Variants in MSRA observed in about 807,000 individuals in gnomAD.
MSRA encodes the protein methionine sulfoxide reductase A.
A neutral mutation model predicts 31.3 loss-of-function variants in MSRA; 54 were observed. That is an observed-to-expected ratio of 1.73 (90% CI 1.39 to 2.17). MSRA has a LOEUF of 2.17. MSRA is among the 30% of genes most tolerant of loss of function. The pLI is 0.00. For missense variants in MSRA, 507 were observed against 300.9 expected (o/e 1.69, Z -5.07); for synonymous variants, 169 against 116.5 (o/e 1.45, Z -2.90).
chr8:10,286,331 C>T (rs773298027), intron 3 of MSRA, among the ~76,000 whole-genome samples: 1 of 152,142 alleles, frequency 6.6e-6, no homozygotes, highest in Non-Finnish European at 1.5e-5. Context: ...GCAGGTCTTT[C>T]TGGTGCTGTT....
chr8:10,162,721 A>G (rs908494449), intron 1 of MSRA, among the ~76,000 whole-genome samples: 1 of 152,180 alleles, frequency 6.6e-6, no homozygotes, highest in African/African-American at 2.4e-5. Context: ...GTGCCTTACT[A>G]TACCATCTCA....
intron 3 of MSRA, among the ~76,000 whole-genome samples, chr8:10,296,934 G>A (rs1286941331): frequency 2.6e-5 from 4 of 152,178 alleles, no homozygotes; most frequent in Non-Finnish European, 4.4e-5. Flanking sequence ...TATGTACTGC[G>A]TGGGCCAGTT....
At chr8:10,240,568 GTC>G (rs1812321945) in intron 2 of MSRA, among the ~76,000 whole-genome samples, 1 of 152,124 alleles carries the variant, frequency 6.6e-6, no homozygotes, top group African/African-American at 2.4e-5. Flanking sequence ...GTCCACCTAT[GTC>G]TCTCTACCCC....
chr8:10,122,755 T>A (rs970171893), intron 1 of MSRA, among the ~76,000 whole-genome samples: 1 of 152,172 alleles, frequency 6.6e-6, no homozygotes, highest in South Asian at 2.1e-4. Flanking sequence ...TCACATCATT[T>A]AGCTCCCACT....
At chr8:10,334,894 G>A (rs1409433934) in intron 5 of MSRA, among the ~76,000 whole-genome samples, 1 of 152,190 alleles carries the variant, frequency 6.6e-6, no homozygotes, top group Admixed American at 6.5e-5. Flanking sequence ...CCGCTGCCTC[G>A]GCCCACGTGA....
intron 5 of MSRA, among the ~76,000 whole-genome samples, chr8:10,325,725 T>C (rs1476650956): frequency 1.3e-5 from 2 of 152,254 alleles, no homozygotes; most frequent in Admixed American, 6.5e-5. Flanking sequence ...TAAAAAGTTA[T>C]GTGGTTTCTA....
At position 10,284,029 on chromosome 8, in the gene MSRA, G is replaced by T. The variant is rs537573636; in HGVS notation, c.332-17505G>T. On this transcript the variant is annotated intron_variant, in intron 3 of 5. Coordinates refer to ENST00000317173, the MANE Select transcript of MSRA (RefSeq NM_012331.5). ...TTGGTAGATAGCCAGTAGTGGGATT[G>T]CTGGATCAAATGGTAGTTCTACTTT... Among the ~76,000 whole-genome samples, 7 of 151,736 alleles carry T rather than the reference G, an allele frequency of 4.6e-5. No homozygotes were observed. The South Asian group carries it at 1.5e-3, about 32-fold the overall frequency.
intron 5 of MSRA, among the ~76,000 whole-genome samples, chr8:10,363,844 A>G (rs1563396730): frequency 1.3e-5 from 2 of 150,858 alleles, no homozygotes; most frequent in Admixed American, 6.6e-5. Flanking sequence ...AGGTGGGAGG[A>G]TGACTTGAGT....
intron 5 of MSRA, among the ~76,000 whole-genome samples, chr8:10,404,640 G>T (rs1431788399): frequency 6.6e-6 from 1 of 152,256 alleles, no homozygotes; most frequent in Admixed American, 6.5e-5. Flanking sequence ...CTGGCAGGCT[G>T]TGCTGCCGCG....
chr8:10,289,206 G>T (rs1262649581), intron 3 of MSRA, among the ~76,000 whole-genome samples: 1 of 151,970 alleles, frequency 6.6e-6, no homozygotes, highest in African/African-American at 2.4e-5. Context: ...AGTAGAGACG[G>T]ATTTCACCAT....
intron 1 of MSRA, among the ~76,000 whole-genome samples, chr8:10,184,280 C>T (rs1410191180): frequency 6.6e-6 from 1 of 151,702 alleles, no homozygotes; most frequent in Admixed American, 6.6e-5. Flanking sequence ...TCCCTCACTG[C>T]TCTCTTACAC....
chr8:10,401,783 G>T (rs986766516), intron 5 of MSRA, among the ~76,000 whole-genome samples: 2 of 152,180 alleles, frequency 1.3e-5, no homozygotes, highest in Non-Finnish European at 2.9e-5. Flanking sequence ...AGGACATCAA[G>T]CTAAATGAAA....
At chr8:10,368,676 TAAAAC>T in intron 5 of MSRA, among the ~76,000 whole-genome samples, 1 of 152,348 alleles carries the variant, frequency 6.6e-6, no homozygotes. Flanking sequence ...GCTCTTTTAT[TAAAAC>T]AAAGCAGTTG....
intron 1 of MSRA, among the ~76,000 whole-genome samples, chr8:10,076,276 C>T (rs1304449225): frequency 6.6e-6 from 1 of 152,172 alleles, no homozygotes; most frequent in Non-Finnish European, 1.5e-5. Flanking sequence ...GGACAGTGTA[C>T]TGTCATACTG....
chr8:10,426,253 G>T (rs568851346), intron 5 of MSRA, among the ~76,000 whole-genome samples: 1 of 152,114 alleles, frequency 6.6e-6, no homozygotes. Context: ...TGTGAGCTGG[G>T]GCCCGGTCAT....
intron 1 of MSRA, among the ~76,000 whole-genome samples, chr8:10,078,805 C>T (rs997545539): frequency 1.3e-5 from 2 of 152,254 alleles, no homozygotes; most frequent in Non-Finnish European, 2.9e-5. Context: ...TTCTCTTTGC[C>T]TCTCTTTCCT....
At chr8:10,121,154 C>T (rs936772492) in intron 1 of MSRA, among the ~76,000 whole-genome samples, 1 of 152,052 alleles carries the variant, frequency 6.6e-6, no homozygotes, top group African/African-American at 2.4e-5. Context: ...ATAAGTTTGT[C>T]GATGGTAGGC....
At chr8:10,308,845 G>A (rs1172871515) in intron 4 of MSRA, among the ~76,000 whole-genome samples, 2 of 152,210 alleles carry the variant, frequency 1.3e-5, no homozygotes, top group South Asian at 2.1e-4. Flanking sequence ...GAACCTCATT[G>A]CTTCTCTTCT....
At chr8:10,380,354 A>C (rs1805992040) in intron 5 of MSRA, among the ~76,000 whole-genome samples, 1 of 152,234 alleles carries the variant, frequency 6.6e-6, no homozygotes. Flanking sequence ...TTGGGTAGAC[A>C]ACTGGAGAGG....
Sources: gnomAD v4.1 joint callset for allele counts (sites outside exome capture counted in the v4.1 genomes callset) on GRCh38, gnomAD v4.1.1 for gene constraint, MANE v1.5 for transcripts, NCBI Gene and HGNC (gene_info 2026-07-23, HGNC 2026-07-21) for gene names.